ITGAM: variants seen among roughly 807,000 people sequenced by gnomAD.
ITGAM encodes integrin subunit alpha M.
ITGAM carries 79 observed loss-of-function variants against 137.5 expected under a neutral mutation model. The observed-to-expected ratio is 0.57, with a 90% CI of 0.48 to 0.69. The LOEUF (loss-of-function observed/expected upper bound fraction) is 0.69. Among genes scored for constraint, ITGAM ranks in the 30% least tolerant of loss-of-function variants. The pLI is 0.00. For missense variants in ITGAM, 1,343 were observed against 1,483.5 expected (o/e 0.91, Z 1.56); for synonymous variants, 583 against 592.3 (o/e 0.98, Z 0.23).
Position 31,324,776 on chromosome 16 carries a change from A to G in ITGAM, c.2283A>G (p.Thr761=), listed in dbSNP as rs371569571. 7.7e-6 allele frequency: 12 copies of G among 1,555,316 alleles called. No individual in the cohort carries two copies. The highest frequency in any genetic ancestry group is 1.4e-5 in the African/African-American group (1 of 72,772). ...VLAEDAQRLF[T]ALFPFEKNCG... ...CGGAGGATGCTCAGAGACTCTTCAC[A>G]GCCTTGGTGAGTCCAGAGTTGGGGT... is the stretch of plus-strand genomic sequence containing the variant. The change falls in exon 18 of 30, where the codon ACA becomes ACG. Residue 761 remains threonine (T), a synonymous_variant. Transcript: ENST00000544665. The surrounding 1 kb of genome is among the most constrained non-coding windows in gnomAD (Gnocchi z 4.5).
chr16:31,327,504 G>T (rs1230278631), intron 22 of ITGAM, among the ~76,000 whole-genome samples: 1 of 151,888 alleles, frequency 6.6e-6, no homozygotes, highest in African/African-American at 2.4e-5. Flanking sequence ...TGAGGCACAA[G>T]AATTGCTTGA....
At position 31,271,944 on chromosome 16, in the gene ITGAM, C is replaced by T. The variant is rs762226869; in HGVS notation, c.656C>T (p.Thr219Met). ...CCAAGATCACTGGTGAAGCCAATAA[C>T]GCAGCTGCTTGGGCGGACACACACG... is the stretch of plus-strand genomic sequence containing the variant. Reference protein sequence around the residue: ...PNPRSLVKPITQLLGRTHTAT... With the variant: ...PNPRSLVKPIMQLLGRTHTAT... The change falls in exon 7 of 30, where the codon ACG becomes ATG. Residue 219 changes from threonine (T) to methionine (M), a missense_variant. Coordinates refer to ENST00000544665, the MANE Select transcript of ITGAM (RefSeq NM_000632.4). 1.2e-5 allele frequency: 19 copies of T among 1,613,886 alleles called. No individual in the cohort carries two copies. The highest frequency in any genetic ancestry group is 6.7e-5 in the African/African-American group (5 of 74,920).
At chr16:31,299,648 G>A (rs974884385) in intron 14 of ITGAM, among the ~76,000 whole-genome samples, 9 of 152,086 alleles carry the variant, frequency 5.9e-5, no homozygotes, top group Non-Finnish European at 1.0e-4. Context: ...GTGAAACCAC[G>A]CCGTATTCAT....
chr16:31,330,894 AAG>A (rs1018007441), intron 28 of ITGAM, among the ~76,000 whole-genome samples: 16 of 148,592 alleles, frequency 1.1e-4, no homozygotes, highest in Admixed American at 8.7e-4. Context: ...GATAGAGATA[AAG>A]AGAGAGATAC....
intron 29 of ITGAM, 122 bp from the exon 30 acceptor site, chr16:31,331,514 C>CG: frequency 4.9e-6 from 3 of 610,592 alleles, no homozygotes; most frequent in East Asian, 2.9e-5. Flanking sequence ...TGTCACTCCC[C>CG]TCCCGCCCCG....
At chr16:31,318,138 G>A (rs1406921148) in intron 14 of ITGAM, among the ~76,000 whole-genome samples, 1 of 152,000 alleles carries the variant, frequency 6.6e-6, no homozygotes, top group Non-Finnish European at 1.5e-5. Context: ...TTATGATTCA[G>A]GCTTGGTAGG....
rs41353847 is a variant in ITGAM at position 31,329,392 on chromosome 16, C to T, written c.2868+89C>T. 6.1e-3 allele frequency: 5,834 copies of T among 949,168 alleles called. 225 individuals carry two copies. In the African/African-American group the frequency reaches 0.083, roughly 14 times the overall value. The allele number at this position is 949,168 out of a possible 1,614,324, so 58.8% of individuals were successfully genotyped here. On this transcript the variant is annotated intron_variant, in intron 24 of 29. Transcript: ENST00000544665. ...TGCAGAAACAGGGATGGGAAATGTG[C>T]GCAAGGCACCTGTGGTGTGCCAGGC...
At chr16:31,271,119 C>A in intron 6 of ITGAM, 35 bp downstream of exon 6, 1 of 1,469,230 alleles carries the variant, frequency 6.8e-7, no homozygotes. Context: ...GAAGAGCCCA[C>A]ACGGGGCTGG....
chr16:31,331,344 G>A, intron 29 of ITGAM, 69 bp downstream of exon 29: 2 of 918,824 alleles, frequency 2.2e-6, no homozygotes, highest in Non-Finnish European at 3.5e-6. Context: ...TCCGTGCCTC[G>A]GTTTCCCCGG....
intron 14 of ITGAM, among the ~76,000 whole-genome samples, chr16:31,312,826 A>C (rs1412856218): frequency 6.6e-6 from 1 of 150,776 alleles, no homozygotes; most frequent in African/African-American, 2.4e-5. Context: ...CATCTTTTGC[A>C]GTGAATGCTT....
intron 9 of ITGAM, among the ~76,000 whole-genome samples, chr16:31,276,219 G>C (rs1218338907): frequency 2.0e-5 from 3 of 152,156 alleles, no homozygotes; most frequent in Admixed American, 1.3e-4. Context: ...CCTTCTAAGA[G>C]GGACGTATGC....
rs374641937 is a variant in ITGAM, at chr16:31,325,084, C to T, written c.2363+53C>T. The T allele has an allele frequency of 6.1e-5, 93 of 1,535,330 alleles. No individual in the cohort carries two copies. The African/African-American group carries it at 9.5e-4, about 16-fold the overall frequency. On this transcript the variant is annotated intron_variant, in intron 19 of 29. Coordinates refer to ENST00000544665, the MANE Select transcript of ITGAM (RefSeq NM_000632.4). Reference sequence around the variant, plus strand: ...CCAGAGAAGGACCCGTACCATGACCCGCTCTTTTCTCCTCCTGGCCCCCAA... The same window carrying T: ...CCAGAGAAGGACCCGTACCATGACCTGCTCTTTTCTCCTCCTGGCCCCCAA...
intron 7 of ITGAM, among the ~76,000 whole-genome samples, chr16:31,272,463 ATTTTTTTTTTTTTTTTTTTTTT>A (rs1157912736): frequency 5.5e-4 from 6 of 10,888 alleles, no homozygotes; most frequent in Middle Eastern, 0.12. Flanking sequence ...ATATATATAT[ATTTTTTTTTTTTTTTTTTTTTT>A]TTTTTTTTTT....
intron 14 of ITGAM, among the ~76,000 whole-genome samples, chr16:31,311,037 G>C (rs993409590): frequency 6.6e-6 from 1 of 152,156 alleles, no homozygotes; most frequent in Non-Finnish European, 1.5e-5. Context: ...ATGGGGAAAG[G>C]ATTCCCTATT....
chr16:31,275,729 G>A, intron 9 of ITGAM, 30 bp downstream of exon 9: 2 of 1,611,692 alleles, frequency 1.2e-6, no homozygotes, highest in South Asian at 1.1e-5. Context: ...TCCCAGAGCA[G>A]CTCCAGAGGC....
At chr16:31,314,392 A>T (rs532449088) in intron 14 of ITGAM, among the ~76,000 whole-genome samples, 1 of 152,104 alleles carries the variant, frequency 6.6e-6, no homozygotes, top group South Asian at 2.1e-4. Context: ...AATCCATCTT[A>T]AGTTAATTTT....
chr16:31,283,048 C>A lies in ITGAM; in HGVS notation c.1356+4939C>A, dbSNP rs1382945228. ...CTCTAAGAATGTTGAATATTGGCCC[C>A]CACTCTCTTCTGGCTTGTAGGGTTT... On this transcript the variant is annotated intron_variant, in intron 12 of 29. Transcript: ENST00000544665. Among the ~76,000 whole-genome samples, 5 of 152,138 alleles carry A rather than the reference C, an allele frequency of 3.3e-5. No individual in the cohort carries two copies. The South Asian group carries it at 1.0e-3, about 32-fold the overall frequency.
At chr16:31,269,610 G>T (rs1054266361) in intron 5 of ITGAM, among the ~76,000 whole-genome samples, 1 of 152,132 alleles carries the variant, frequency 6.6e-6, no homozygotes, top group Non-Finnish European at 1.5e-5. Flanking sequence ...TTTACAAAGA[G>T]GGGGGTTTAT....
Position 31,309,704 on chromosome 16 carries a change from G to C in ITGAM, c.1708-11537G>C, listed in dbSNP as rs536551204. On this transcript the variant is annotated intron_variant, in intron 14 of 29. Transcript: ENST00000544665. ...ATTAGATCCTGTCATTATGATGTTA[G>C]CTGGTTATTTTGCTCGTTAGTTGAT... Among the ~76,000 whole-genome samples, 12 of 152,236 alleles carry C rather than the reference G, an allele frequency of 7.9e-5. No individual in the cohort carries two copies. In the South Asian group the frequency reaches 2.1e-3, roughly 26 times the overall value.
Sources: gnomAD v4.1 joint callset for allele counts (sites outside exome capture counted in the v4.1 genomes callset) on GRCh38, gnomAD v4.1.1 for gene constraint, Gnocchi (gnomAD v3.1) non-coding constraint, MANE v1.5 for transcripts, NCBI Gene and HGNC (gene_info 2026-07-23, HGNC 2026-07-21) for gene names.